Variants in BCAS1 observed in about 807,000 individuals in gnomAD.
BCAS1 encodes breast carcinoma-amplified sequence 1.
Under a neutral mutation model 65.4 loss-of-function variants are expected in BCAS1, and 46 were observed. That is an observed-to-expected ratio of 0.70 (90% CI 0.55 to 0.90). The LOEUF (loss-of-function observed/expected upper bound fraction) is 0.90, where lower values mean the gene tolerates loss of function less well. Among genes scored for constraint, BCAS1 ranks in the 40% least tolerant of loss-of-function variants. BCAS1 has a pLI of 0.00. For missense variants in BCAS1, 793 were observed against 771.2 expected (o/e 1.03, Z -0.33); for synonymous variants, 298 against 293.5 (o/e 1.02, Z -0.16).
chr20:54,040,020 G>A (rs1244850099), intron 3 of BCAS1, among the ~76,000 whole-genome samples: 2 of 151,344 alleles, frequency 1.3e-5, no homozygotes, highest in East Asian at 3.9e-4. Flanking sequence ...TAAAATAGCT[G>A]CATAATATTC....
At chr20:54,002,022 T>C (rs2091067076) in intron 4 of BCAS1, among the ~76,000 whole-genome samples, 1 of 151,274 alleles carries the variant, frequency 6.6e-6, no homozygotes, top group Admixed American at 6.6e-5. Context: ...CCTGTGTAAA[T>C]GCCTTTCTGG....
At chr20:53,999,317 G>A (rs1225819667) in intron 4 of BCAS1, among the ~76,000 whole-genome samples, 1 of 152,112 alleles carries the variant, frequency 6.6e-6, no homozygotes, top group Non-Finnish European at 1.5e-5. Context: ...TTACAGTTAC[G>A]AGGTGCCTTC....
chr20:54,046,515 C>G (rs547794680), intron 3 of BCAS1, among the ~76,000 whole-genome samples: 7 of 109,504 alleles, frequency 6.4e-5, no homozygotes, highest in Non-Finnish European at 1.2e-4. Flanking sequence ...GTGGACAGCG[C>G]GAGACTCCAT....
At chr20:53,995,836 A>C in intron 5 of BCAS1, 56 bp downstream of exon 5, 1 of 1,503,410 alleles carries the variant, frequency 6.7e-7, no homozygotes, top group Non-Finnish European at 8.9e-7. Flanking sequence ...TATTCTTAGA[A>C]TTAACAAAAC....
At chr20:54,052,181 G>C (rs2092227786) in intron 3 of BCAS1, among the ~76,000 whole-genome samples, 1 of 152,180 alleles carries the variant, frequency 6.6e-6, no homozygotes, top group Non-Finnish European at 1.5e-5. Context: ...AAAATATGCA[G>C]TCATGTAGCC....
intron 12 of BCAS1, among the ~76,000 whole-genome samples, chr20:53,951,263 G>A (rs560810037): frequency 5.9e-5 from 9 of 152,174 alleles, no homozygotes; most frequent in Admixed American, 2.0e-4. Flanking sequence ...ACTCGAGCTC[G>A]GGAGTTCGAG....
chr20:53,983,412 C>G (rs6022892), intron 8 of BCAS1, among the ~76,000 whole-genome samples: 18,734 of 152,158 alleles, frequency 0.12, 2,467 homozygotes, highest in African/African-American at 0.33. Flanking sequence ...TCATTTGCAT[C>G]TTACAAGTGA....
intron 8 of BCAS1, among the ~76,000 whole-genome samples, chr20:53,978,423 T>C (rs1448107899): frequency 1.3e-5 from 2 of 152,212 alleles, no homozygotes; most frequent in Admixed American, 1.3e-4. Flanking sequence ...TCAACATCTT[T>C]GCTGTAAATA....
intron 7 of BCAS1, among the ~76,000 whole-genome samples, chr20:53,988,771 C>T (rs1367370225): frequency 6.6e-6 from 1 of 152,158 alleles, no homozygotes; most frequent in Non-Finnish European, 1.5e-5. Context: ...ATTTTTATGC[C>T]AATTTCACAG....
chr20:54,068,840 A>G (rs866064289), intron 1 of BCAS1, among the ~76,000 whole-genome samples: 2 of 152,306 alleles, frequency 1.3e-5, no homozygotes, highest in South Asian at 4.1e-4. Context: ...ATACTCCAGC[A>G]GGACAGATGA....
intron 1 of BCAS1, among the ~76,000 whole-genome samples, chr20:54,059,529 T>C (rs1376549520): frequency 6.6e-6 from 1 of 152,044 alleles, no homozygotes; most frequent in Non-Finnish European, 1.5e-5. Context: ...CTTGTAATTA[T>C]ATACTTACTT....
chr20:54,063,911 G>T (rs1473334927), intron 1 of BCAS1, among the ~76,000 whole-genome samples: 1 of 152,176 alleles, frequency 6.6e-6, no homozygotes, highest in African/African-American at 2.4e-5. Flanking sequence ...GTGTTAAAAT[G>T]CCCTTTCTTT....
chr20:53,969,702 A>C lies in BCAS1; in HGVS notation c.1318-2629T>G, dbSNP rs1315677460. Among the ~76,000 whole-genome samples the C allele has an allele frequency of 3.9e-5, 6 of 152,296 alleles. No individual in the cohort carries two copies. In the East Asian group the frequency reaches 7.7e-4, roughly 20 times the overall value. The stretch of plus-strand genomic sequence containing the variant: ...TGTTCTTGGCTCCACTATTCTTGGC[A>C]TGCTAGATTTTCATCATTTTATTTG... On this transcript the variant is annotated intron_variant, in intron 9 of 12. Transcript: ENST00000688948.
chr20:53,964,573 G>T (rs1255865923), intron 10 of BCAS1, among the ~76,000 whole-genome samples: 2 of 152,192 alleles, frequency 1.3e-5, no homozygotes, highest in African/African-American at 4.8e-5. Context: ...CTGGGGAAAA[G>T]TGTGTCCTCA....
chr20:54,028,300 C>T lies in BCAS1; in HGVS notation c.723+92G>A, dbSNP rs761440470. ...TCAACAGCTTGCCACCTTGCCTAGG[C>T]CCAGGGTGACTGCATATGTGCAGTG... On this transcript the variant is annotated intron_variant, in intron 4 of 12. Coordinates refer to ENST00000688948, the MANE Select transcript of BCAS1 (RefSeq NM_001366298.2). 4.4e-6 allele frequency: 6 copies of T among 1,368,766 alleles called. No homozygotes were observed. In the African/African-American group the frequency reaches 5.7e-5, roughly 13 times the overall value. 84.8% of individuals were successfully genotyped at this position (1,368,766 alleles called of 1,614,324 possible).
rs188291608 is a variant in BCAS1 at position 53,991,023 on chromosome 20, T to C, written c.1062+1489A>G. 3.5e-4 allele frequency among the ~76,000 whole-genome samples: 53 copies of C among 152,286 alleles called. 1 individual carries two copies. The East Asian group carries it at 0.01, about 29-fold the overall frequency. ...GAATGATAACATTGAACTTGGGTGG[T>C]CCCTTTATTGGTGGCAAGAGATACT... On this transcript the variant is annotated intron_variant, in intron 7 of 12. Coordinates refer to ENST00000688948, the MANE Select transcript of BCAS1 (RefSeq NM_001366298.2).
At chr20:54,010,917 A>G (rs938565528) in intron 4 of BCAS1, among the ~76,000 whole-genome samples, 1 of 152,196 alleles carries the variant, frequency 6.6e-6, no homozygotes, top group Non-Finnish European at 1.5e-5. Flanking sequence ...AGAAGCCAGA[A>G]AAGACCCACA....
intron 3 of BCAS1, among the ~76,000 whole-genome samples, chr20:54,032,715 A>T (rs1446012507): frequency 6.6e-6 from 1 of 151,362 alleles, no homozygotes; most frequent in Non-Finnish European, 1.5e-5. Context: ...ACAAAGGTTA[A>T]AAGAAAAAAA....
chr20:54,058,613 T>TTTTTTTTTCC, intron 2 of BCAS1, 34 bp downstream of exon 2: 1 of 1,534,280 alleles, frequency 6.5e-7, no homozygotes, highest in African/African-American at 1.4e-5. Flanking sequence ...TTTTTTTTTT[T>TTTTTTTTTCC]CTGCTGATGC....
Sources: allele counts gnomAD v4.1 joint callset (sites outside exome capture counted in the v4.1 genomes callset), GRCh38; gene constraint gnomAD v4.1.1; transcripts MANE v1.5; gene names NCBI Gene and HGNC (gene_info 2026-07-23, HGNC 2026-07-21).